NELL2: variants seen among roughly 807,000 people sequenced by gnomAD.
NELL2 encodes the protein protein kinase C-binding protein NELL2.
In NELL2, 41 loss-of-function variants were observed where a neutral mutation model predicts 109.6. The ratio of observed to expected loss-of-function variants is 0.37; its 90% CI spans 0.29 to 0.49. The LOEUF (loss-of-function observed/expected upper bound fraction) is 0.49. Ranked by LOEUF, NELL2 falls within the 20% of genes least tolerant of loss-of-function variation. The pLI is 0.98. For missense variants in NELL2, 900 were observed against 1,008.3 expected, an observed-to-expected ratio of 0.89 and a Z score of 1.45; for synonymous variants, 355 against 344.7, an observed-to-expected ratio of 1.03 and a Z score of -0.33.
chr12:44,849,068 T>TGA (rs1296287600), intron 2 of NELL2, among the ~76,000 whole-genome samples: 1 of 152,218 alleles, frequency 6.6e-6, no homozygotes, highest in Non-Finnish European at 1.5e-5. Context: ...TTCTTTCTGT[T>TGA]GAATTTACAC....
At chr12:44,593,571 GTC>G (rs1401531060) in intron 15 of NELL2, among the ~76,000 whole-genome samples, 1 of 152,158 alleles carries the variant, frequency 6.6e-6, no homozygotes, top group Non-Finnish European at 1.5e-5. Flanking sequence ...GTGTACATGT[GTC>G]TTTATAGTAG....
chr12:44,879,818 G>T (rs566732844), upstream of NELL2, among the ~76,000 whole-genome samples: 3 of 151,862 alleles, frequency 2.0e-5, no homozygotes, highest in Non-Finnish European at 4.4e-5. Context: ...CCAGCTGCAC[G>T]TGCCCTTGTG....
At chr12:44,585,899 A>C (rs980708049) in intron 15 of NELL2, among the ~76,000 whole-genome samples, 4 of 152,040 alleles carry the variant, frequency 2.6e-5, no homozygotes, top group African/African-American at 9.6e-5. Context: ...TAAAAGAAAA[A>C]AAAACTGCAT....
chr12:44,792,755 G>A (rs1942480793), intron 3 of NELL2, among the ~76,000 whole-genome samples: 1 of 152,136 alleles, frequency 6.6e-6, no homozygotes, highest in South Asian at 2.1e-4. Flanking sequence ...GGGGAAATAT[G>A]CACTCTGATA....
chr12:44,812,531 C>T (rs1325002013), intron 3 of NELL2, among the ~76,000 whole-genome samples: 1 of 152,020 alleles, frequency 6.6e-6, no homozygotes, highest in Admixed American at 6.6e-5. Flanking sequence ...TTATCTTGTC[C>T]TGTAGATATT....
At chr12:44,656,117 C>A (rs1017819372) in intron 13 of NELL2, among the ~76,000 whole-genome samples, 1 of 152,174 alleles carries the variant, frequency 6.6e-6, no homozygotes, top group African/African-American at 2.4e-5. Context: ...AAAATCTGTC[C>A]TGCTTGAGAA....
chr12:44,844,327 T>A (rs1944310512), intron 2 of NELL2, among the ~76,000 whole-genome samples: 1 of 152,206 alleles, frequency 6.6e-6, no homozygotes, highest in African/African-American at 2.4e-5. Flanking sequence ...CAAGTTGGGA[T>A]ATATTTATAC....
At chr12:44,781,550 C>A (rs891159069) in intron 3 of NELL2, among the ~76,000 whole-genome samples, 17 of 152,078 alleles carry the variant, frequency 1.1e-4, no homozygotes, top group Middle Eastern at 3.4e-3. Context: ...TCTAAGGAAA[C>A]CCTAAACAAG....
chr12:44,903,229 G>T (rs1018716528), intron 1 of NELL2, among the ~76,000 whole-genome samples: 2 of 152,086 alleles, frequency 1.3e-5, no homozygotes, highest in Non-Finnish European at 2.9e-5. Context: ...GTGGGCAAAG[G>T]ACATGAACAG....
intron 3 of NELL2, among the ~76,000 whole-genome samples, chr12:44,784,639 C>T (rs1942093480): frequency 6.6e-6 from 1 of 152,134 alleles, no homozygotes; most frequent in South Asian, 2.1e-4. Flanking sequence ...CAATAAAATA[C>T]TGACAAACCA....
intron 9 of NELL2, among the ~76,000 whole-genome samples, chr12:44,744,100 C>T (rs529298150): frequency 2.0e-5 from 3 of 152,284 alleles, no homozygotes; most frequent in African/African-American, 4.8e-5. Context: ...AACAAACTGT[C>T]TCTCAGACCA....
chr12:44,757,516 C>T (rs1315748194), intron 9 of NELL2, among the ~76,000 whole-genome samples: 1 of 152,242 alleles, frequency 6.6e-6, no homozygotes, highest in African/African-American at 2.4e-5. Flanking sequence ...ACACCATTCA[C>T]TGTGCTCAAG....
chr12:44,685,200 G>GTTA (rs1341865978), intron 12 of NELL2, among the ~76,000 whole-genome samples: 1 of 152,004 alleles, frequency 6.6e-6, no homozygotes, highest in Non-Finnish European at 1.5e-5. Flanking sequence ...ATCTTTGTTG[G>GTTA]TTTAAAGTCT....
chr12:44,819,114 A>G (rs183110398), intron 2 of NELL2, among the ~76,000 whole-genome samples: 1 of 152,330 alleles, frequency 6.6e-6, no homozygotes, highest in Admixed American at 6.5e-5. Flanking sequence ...AAGGTAAAAG[A>G]ATGAAGAAAC....
intron 13 of NELL2, among the ~76,000 whole-genome samples, chr12:44,648,546 GGAAACAACTACACTGCAT>G (rs1947176713): frequency 6.6e-6 from 1 of 151,578 alleles, no homozygotes; most frequent in Non-Finnish European, 1.5e-5. Context: ...TTCTAGAGAG[GGAAACAACTACACTGCAT>G]GTGAAGACAA....
chr12:44,686,890 G>C (rs879413528), intron 12 of NELL2, among the ~76,000 whole-genome samples: 29 of 152,198 alleles, frequency 1.9e-4, no homozygotes, highest in Non-Finnish European at 3.8e-4. Context: ...CCTGCCCCCA[G>C]AGGTGGAGCC....
At chr12:44,746,772 T>C (rs958064958) in intron 9 of NELL2, among the ~76,000 whole-genome samples, 3 of 152,182 alleles carry the variant, frequency 2.0e-5, no homozygotes, top group Admixed American at 6.5e-5. Context: ...CCAGTTAGAA[T>C]GGCGATCATT....
At chr12:44,626,421 C>T (rs780302355) in intron 13 of NELL2, among the ~76,000 whole-genome samples, 29 of 152,306 alleles carry the variant, frequency 1.9e-4, no homozygotes, top group Middle Eastern at 6.8e-3. Context: ...CAGAACTCTG[C>T]TCAGAGGACA....
intron 3 of NELL2, among the ~76,000 whole-genome samples, chr12:44,789,086 G>T (rs549318794): frequency 2.6e-5 from 4 of 152,188 alleles, no homozygotes; most frequent in Admixed American, 2.6e-4. Context: ...TGAAGACAAA[G>T]GACATATACT....
Sources: gnomAD v4.1 joint callset for allele counts (sites outside exome capture counted in the v4.1 genomes callset) on GRCh38, gnomAD v4.1.1 for gene constraint, MANE v1.5 for transcripts, NCBI Gene and HGNC (gene_info 2026-07-23, HGNC 2026-07-21) for gene names.